Variants in SEMA6B observed in about 807,000 individuals in gnomAD.
SEMA6B encodes the protein semaphorin-6B.
Under a neutral mutation model 78.6 loss-of-function variants are expected in SEMA6B, and 47 were observed. That is an observed-to-expected ratio of 0.60 (90% confidence interval 0.47 to 0.76). The LOEUF is 0.76. Among genes scored for constraint, SEMA6B ranks in the 30% least tolerant of loss-of-function variants. The probability of loss-of-function intolerance (pLI) is 0.00; values close to 1 mark genes in which losing one functional copy is unlikely to be tolerated. For missense variants in SEMA6B, 1,213 were observed against 1,269.9 expected (o/e 0.96, Z 0.68); for synonymous variants, 632 against 592.2 (o/e 1.07, Z -0.98).
Position 4,558,541 on chromosome 19 carries a change from C to T in SEMA6B, c.-32-52G>A. On this transcript the variant is annotated intron_variant, in intron 1 of 16. Coordinates refer to ENST00000586582, the MANE Select transcript of SEMA6B (RefSeq NM_032108.4). The surrounding 1 kb of genome is among the most constrained non-coding windows in gnomAD (Gnocchi z 5.1). ...CGGCCTGCAGTCCCGCTCGTGGCCA[C>T]AAGACGGCGGGCGAGAGCAGCAGAC... is the stretch of plus-strand genomic sequence containing the variant. 1 of 1,187,788 alleles carries T rather than the reference C, an allele frequency of 8.4e-7. No individual in the cohort carries two copies. The allele number at this position is 1,187,788 out of a possible 1,614,324, so 73.6% of individuals were successfully genotyped here. A position where few individuals can be genotyped will look rare whatever the true frequency, so the allele number is the denominator to read the frequency against.
rs1299778338 is a variant in SEMA6B at position 4,548,405 on chromosome 19, G to C, written c.1312C>G (p.Pro438Ala). 2 of 1,613,376 alleles carry C rather than the reference G, an allele frequency of 1.2e-6. No homozygotes were observed. The highest frequency in any genetic ancestry group is 2.7e-5 in the African/African-American group (2 of 74,924). ...AAGACAACGGTCTGGTTGCCCCAGG[G>C]GCCGGCTCCCACGTCCACAGCCACT... Reference protein sequence around the residue: ...TRVAVDVGAGPWGNQTVVFLG... With the variant: ...TRVAVDVGAGAWGNQTVVFLG... The change falls in exon 13 of 17, where the codon CCC becomes GCC. Residue 438 changes from proline (P) to alanine (A), a missense_variant. Pro to Ala is a conservative substitution (Grantham distance 27). Transcript: ENST00000586582.
In SEMA6B at chr19:4,552,759, A is replaced by C; in HGVS notation, c.772-120T>G. On this transcript the variant is annotated intron_variant, in intron 9 of 16. Transcript: ENST00000586582. The surrounding 1 kb of genome is among the most constrained non-coding windows in gnomAD (Gnocchi z 7.4). ...GGAGTCTGACCCTGGCTCTGGTGGG[A>C]CCCCGGCCAGTCACCGTTCCTCTCT... is the stretch of plus-strand genomic sequence containing the variant. 2.1e-6 allele frequency: 2 copies of C among 937,808 alleles called. No individual in the cohort carries two copies. Among genetic ancestry groups the C allele is most frequent in the Non-Finnish European group, 3.1e-6 (2 of 645,780 alleles). The allele number at this position is 937,808 out of a possible 1,614,324, so 58.1% of individuals were successfully genotyped here.
intron 3 of SEMA6B, among the ~76,000 whole-genome samples, chr19:4,557,782 G>T (rs1977512274): frequency 6.6e-6 from 1 of 151,960 alleles, no homozygotes; most frequent in African/African-American, 2.4e-5. Context: ...TTCCATTCTC[G>T]CCCCCTCCCA....
rs1435154271 is a variant in SEMA6B at position 4,544,953 on chromosome 19, T to G, written c.1739-424A>C. 6.6e-6 allele frequency among the ~76,000 whole-genome samples: 1 copy of G among 151,862 alleles called. No individual in the cohort carries two copies. The highest frequency in any genetic ancestry group is 2.4e-5 in the African/African-American group (1 of 41,322). ...GGCCTTATTTTTATTATTTTTTAAT[T>G]TTTTTTGTTTGTTTGTTTTGAGACA... On this transcript the variant is annotated intron_variant, in intron 16 of 16. Transcript: ENST00000586582. This position sits in a 1 kb window ranked among gnomAD's most constrained non-coding sequence, Gnocchi z 5.1.
In SEMA6B at chr19:4,550,027, G is replaced by A; in HGVS notation, c.1271+96C>T. The A allele has an allele frequency of 8.0e-7, 1 of 1,253,980 alleles. No homozygotes were observed. Among genetic ancestry groups the A allele is most frequent in the Non-Finnish European group, 1.1e-6 (1 of 887,508 alleles). 77.7% of individuals were successfully genotyped at this position (1,253,980 alleles called of 1,614,324 possible). On this transcript the variant is annotated intron_variant, in intron 12 of 16. Transcript: ENST00000586582. The surrounding 1 kb of genome is among the most constrained non-coding windows in gnomAD (Gnocchi z 6.6). ...TCCAGCTCTCTGGGCAGCGCCGGAAGCCATGGGCTCATCTGTGTTGAGCAT... is the reference window on the plus strand; with the variant it reads ...TCCAGCTCTCTGGGCAGCGCCGGAAACCATGGGCTCATCTGTGTTGAGCAT...
At position 4,544,301 on chromosome 19, in the gene SEMA6B, T is replaced by A. The variant is rs564925636; in HGVS notation, c.1967A>T (p.Glu656Val). Residue 656 changes from glutamate to valine, a missense_variant, in exon 17 of 17, where the codon GAG becomes GTG. By Grantham distance (121) the Glu-to-Val change is moderately radical (BLOSUM62 -2). Coordinates refer to ENST00000586582, the MANE Select transcript of SEMA6B (RefSeq NM_032108.4). The surrounding 1 kb of genome is among the most constrained non-coding windows in gnomAD (Gnocchi z 5.1). The stretch of plus-strand genomic sequence containing the variant: ...GCCCCCGGGACCCTGCGCCCTGCGC[T>A]CGCCCAGGCGGCTGACGCTCAGCAC... The part of the protein sequence containing the change: ...EAVLSVSRLG[E>V]RRAQGPGGRG... 1.4e-6 allele frequency: 2 copies of A among 1,467,920 alleles called. No homozygotes were observed. The highest frequency in any genetic ancestry group is 1.8e-6 in the Non-Finnish European group (2 of 1,115,696). The allele number at this position is 1,467,920 out of a possible 1,614,324, so 90.9% of individuals were successfully genotyped here.
At chr19:4,549,219 T>C (rs1280696782) in intron 12 of SEMA6B, among the ~76,000 whole-genome samples, 2 of 151,864 alleles carry the variant, frequency 1.3e-5, no homozygotes, top group African/African-American at 4.8e-5. Context: ...TGGGTGTCTG[T>C]CTGTCTCTGA....
intron 3 of SEMA6B, 83 bp downstream of exon 3, chr19:4,557,943 C>T: frequency 8.4e-7 from 1 of 1,194,358 alleles, no homozygotes; most frequent in Non-Finnish European, 1.1e-6. Context: ...CTGCTCCATC[C>T]CCTCCCTGCC....
Position 4,543,892 on chromosome 19 carries a change from G to C in SEMA6B, c.2376C>G (p.His792Gln). Residue 792 changes from histidine (H) to glutamine (Q), a missense_variant, in exon 17 of 17, where the codon CAC becomes CAG. Coordinates refer to ENST00000586582, the MANE Select transcript of SEMA6B (RefSeq NM_032108.4). ...CCACCCGCCGGCGGTCCGGGCTGGC[G>C]TGGGGGGTGAGCGGGAAGTCGCCGT... ...ASHGDFPLTP[H>Q]ASPDRRRVVS... The C allele has an allele frequency of 8.3e-7, 1 of 1,204,932 alleles. No homozygotes were observed. Among genetic ancestry groups the C allele is most frequent in the East Asian group, 3.4e-5 (1 of 29,100 alleles). The allele number at this position is 1,204,932 out of a possible 1,614,324, so 74.6% of individuals were successfully genotyped here. A position where few individuals can be genotyped will look rare whatever the true frequency, so the allele number is the denominator to read the frequency against.
rs1426131300 is a variant in SEMA6B at position 4,550,277 on chromosome 19, G to A, written c.1122-5C>T. ...GGGGCTGCGCAGCACCCGGGCCTGG[G>A]GGTGACAAGGGTGTGGTCAGGACGA... On this transcript the variant is annotated splice_region_variant and splice_polypyrimidine_tract_variant and intron_variant, in intron 11 of 16. Transcript: ENST00000586582. The surrounding 1 kb of genome is among the most constrained non-coding windows in gnomAD (Gnocchi z 6.6). The A allele has an allele frequency of 8.7e-6, 14 of 1,613,474 alleles. No individual in the cohort carries two copies. Among genetic ancestry groups the A allele is most frequent in the Middle Eastern group, 1.6e-4 (1 of 6,082 alleles).
At chr19:4,549,257 T>C (rs991343818) in intron 12 of SEMA6B, among the ~76,000 whole-genome samples, 1 of 151,804 alleles carries the variant, frequency 6.6e-6, no homozygotes, top group African/African-American at 2.4e-5. Flanking sequence ...TCTCTGTCTC[T>C]TTCCCCCTTT....
In SEMA6B at chr19:4,550,150, G is replaced by A. The variant is rs751125670; in HGVS notation, c.1244C>T (p.Ala415Val). Residue 415 changes from alanine to valine, a missense_variant, in exon 12 of 17, where the codon GCG becomes GTG. By Grantham distance (64) the Ala-to-Val change is moderately conservative. Coordinates refer to ENST00000586582, the MANE Select transcript of SEMA6B (RefSeq NM_032108.4). This position sits in a 1 kb window ranked among gnomAD's most constrained non-coding sequence, Gnocchi z 6.6. ...CATCAGGGTCCGCAGGATCCAGGGC[G>A]CATGGCCCAGCGAGGGCACCGCCTC... ...MDEAVPSLGHAPWILRTLMRH... is the reference protein window; with the variant it reads ...MDEAVPSLGHVPWILRTLMRH... 2.5e-5 allele frequency: 40 copies of A among 1,613,748 alleles called. No homozygotes were observed. Among genetic ancestry groups the A allele is most frequent in the African/African-American group, 1.5e-4 (11 of 75,030 alleles).
rs1250253094 is a variant in SEMA6B, at chr19:4,556,986, C to G, written c.334G>C (p.Asp112His). The change falls in exon 5 of 17, where the codon GAC (aspartate) becomes CAC (histidine). Residue 112 changes from aspartate to histidine, a missense_variant. Asp to His is a moderately conservative substitution (Grantham distance 81). Transcript: ENST00000586582. ...RKLTWRSNPS[D>H]INVCRMKGKQ... ...CCCTTCATCCGACACACGTTTATGT[C>G]GCTGGGGTTAGATCTCCAGGTCAGC... 6.2e-7 allele frequency: 1 copy of G among 1,613,190 alleles called. No homozygotes were observed. Among genetic ancestry groups the G allele is most frequent in the Admixed American group, 1.7e-5 (1 of 59,926 alleles).
At chr19:4,559,021 C>T (rs62115779) in intron 1 of SEMA6B, among the ~76,000 whole-genome samples, 8,057 of 152,018 alleles carry the variant, frequency 0.053, 283 homozygotes, top group Non-Finnish European at 0.073. Flanking sequence ...TAGCGAAACC[C>T]TGTCTCTACA....
At chr19:4,551,191 G>A (rs1977321968) in intron 10 of SEMA6B, among the ~76,000 whole-genome samples, 1 of 149,646 alleles carries the variant, frequency 6.7e-6, no homozygotes, top group Non-Finnish European at 1.5e-5. Context: ...CCTGCCCAGT[G>A]TCACTGTTAG....
chr19:4,558,592 C>T lies in SEMA6B; in HGVS notation c.-32-103G>A. 1.8e-6 allele frequency: 1 copy of T among 559,164 alleles called. No individual in the cohort carries two copies. Among genetic ancestry groups the T allele is most frequent in the Non-Finnish European group, 2.7e-6 (1 of 373,716 alleles). 34.6% of individuals were successfully genotyped at this position (559,164 alleles called of 1,614,324 possible). A position where few individuals can be genotyped will look rare whatever the true frequency, so the allele number is the denominator to read the frequency against. ...GCTCCTTCAAATCCCAGAAAAATTC[C>T]TCACGGGGATAATAATTAATAAAAA... is the stretch of plus-strand genomic sequence containing the variant. On this transcript the variant is annotated intron_variant, in intron 1 of 16. Transcript: ENST00000586582. The surrounding 1 kb of genome is among the most constrained non-coding windows in gnomAD (Gnocchi z 5.1).
At position 4,555,418 on chromosome 19, in the gene SEMA6B, T is replaced by C; in HGVS notation, c.562+56A>G. 3 of 1,471,138 alleles carry C rather than the reference T, an allele frequency of 2.0e-6. No individual in the cohort carries two copies. Among genetic ancestry groups the C allele is most frequent in the African/African-American group, 1.4e-5 (1 of 70,536 alleles). The allele number at this position is 1,471,138 out of a possible 1,614,324, so 91.1% of individuals were successfully genotyped here. A position where few individuals can be genotyped will look rare whatever the true frequency, so the allele number is the denominator to read the frequency against. On this transcript the variant is annotated intron_variant, in intron 7 of 16. Coordinates refer to ENST00000586582, the MANE Select transcript of SEMA6B (RefSeq NM_032108.4). This position sits in a 1 kb window ranked among gnomAD's most constrained non-coding sequence, Gnocchi z 6.1. The stretch of plus-strand genomic sequence containing the variant: ...ACAACCCAGACGCTGGAGTAGAAAA[T>C]GCCAGGTCTTGCCTGTGGCTGGGGC...
chr19:4,550,962 C>A lies in SEMA6B; in HGVS notation c.990-32G>T, dbSNP rs1018756403. 1.9e-6 allele frequency: 3 copies of A among 1,611,208 alleles called. No homozygotes were observed. In the Middle Eastern group the frequency reaches 5.0e-4, roughly 269 times the overall value. ...GGTTGGGATGAAAGAGTTTGGTGAGCCCGGTGGGAGGCCCCATCTCGGACA... is the reference window on the plus strand; with the variant it reads ...GGTTGGGATGAAAGAGTTTGGTGAGACCGGTGGGAGGCCCCATCTCGGACA... On this transcript the variant is annotated intron_variant, in intron 10 of 16. Coordinates refer to ENST00000586582, the MANE Select transcript of SEMA6B (RefSeq NM_032108.4). The surrounding 1 kb of genome is among the most constrained non-coding windows in gnomAD (Gnocchi z 6.6).
At position 4,543,826 on chromosome 19, in the gene SEMA6B, G is replaced by C; in HGVS notation, c.2442C>G (p.Ala814=). ...GGCTCCAGGGCCGCGGGAGGCCATC[G>C]GCGGCTGAGGCTGGGTCCAAGGGGC... The part of the protein sequence containing the change: ...PTGPLDPASA[A]DGLPRPWSPP... The change falls in exon 17 of 17, where the codon GCC becomes GCG. Residue 814 remains alanine (A), a synonymous_variant. Transcript: ENST00000586582. 1 of 1,214,506 alleles carries C rather than the reference G, an allele frequency of 8.2e-7. No homozygotes were observed. Among genetic ancestry groups the C allele is most frequent in the Non-Finnish European group, 1.0e-6 (1 of 977,130 alleles). 75.2% of individuals were successfully genotyped at this position (1,214,506 alleles called of 1,614,324 possible). A position where few individuals can be genotyped will look rare whatever the true frequency, so the allele number is the denominator to read the frequency against.
Sources: allele counts gnomAD v4.1 joint callset (sites outside exome capture counted in the v4.1 genomes callset), GRCh38; gene constraint gnomAD v4.1.1; non-coding constraint Gnocchi (gnomAD v3.1); transcripts MANE v1.5; gene names NCBI Gene and HGNC (gene_info 2026-07-23, HGNC 2026-07-21).